Variants in GLYR1 observed in about 807,000 individuals in gnomAD.
The protein encoded by GLYR1 is cytokine-like nuclear factor N-PAC.
In GLYR1, 21 loss-of-function variants were observed where a neutral mutation model predicts 72.7. That is an observed-to-expected ratio of 0.29 (90% CI 0.20 to 0.42). The LOEUF (loss-of-function observed/expected upper bound fraction) is 0.42, where lower values mean the gene tolerates loss of function less well. GLYR1 is among the 10% of genes least tolerant of loss of function. GLYR1 has a pLI of 1.00. For missense variants in GLYR1, 594 were observed against 712.1 expected (o/e 0.83, Z 1.89); for synonymous variants, 392 against 270.2 (o/e 1.45, Z -4.42).
chr16:4,817,800 G>C lies in GLYR1; in HGVS notation c.807-103C>G. ...TCGCTCCCTTATACAGCTTGGGGTA[G>C]GGGAATTCAGACTGCCAGAAACAGC... On this transcript the variant is annotated intron_variant, in intron 9 of 15. Coordinates refer to ENST00000321919, the MANE Select transcript of GLYR1 (RefSeq NM_032569.4). 8.0e-6 allele frequency: 6 copies of C among 748,970 alleles called. No homozygotes were observed. The South Asian group carries it at 9.4e-5, about 12-fold the overall frequency. The allele number at this position is 748,970 out of a possible 1,614,324, so 46.4% of individuals were successfully genotyped here.
rs59357306 is a variant in GLYR1 at position 4,837,932 on chromosome 16, A to AAAATAAAT, written c.156-5028_156-5021dup. The stretch of plus-strand genomic sequence containing the variant: ...GCGACAGAGCGAGACTCCATCTCAA[A>AAAATAAAT]AAATAAATAAATAAATAAATAAATA... On this transcript the variant is annotated intron_variant, in intron 3 of 15. Coordinates refer to ENST00000321919, the MANE Select transcript of GLYR1 (RefSeq NM_032569.4). Among the ~76,000 whole-genome samples the AAAATAAAT allele has an allele frequency of 3.7e-3, 528 of 142,502 alleles. 1 individual carries two copies. Among genetic ancestry groups the AAAATAAAT allele is most frequent in the South Asian group, 0.01 (46 of 4,572 alleles). 93.5% of individuals were successfully genotyped at this position (142,502 alleles called of 152,430 possible).
intron 6 of GLYR1, 73 bp from the exon 7 acceptor site, chr16:4,823,004 G>T: frequency 8.2e-7 from 1 of 1,222,222 alleles, no homozygotes; most frequent in East Asian, 2.3e-5. Flanking sequence ...CTGGTAACTG[G>T]ACTCTCCTCT....
intron 2 of GLYR1, among the ~76,000 whole-genome samples, 160 bp downstream of exon 2, chr16:4,846,014 C>T (rs532284059): frequency 6.6e-6 from 1 of 152,298 alleles, no homozygotes; most frequent in African/African-American, 2.4e-5. Flanking sequence ...TACTGCATTG[C>T]CTTTTAAAAA....
intron 3 of GLYR1, among the ~76,000 whole-genome samples, chr16:4,836,464 C>T (rs935713172): frequency 1.3e-5 from 2 of 152,140 alleles, no homozygotes; most frequent in Non-Finnish European, 2.9e-5. Flanking sequence ...AAAAATCAAG[C>T]TTATTCAAGC....
intron 15 of GLYR1, among the ~76,000 whole-genome samples, chr16:4,809,997 T>C (rs899004195): frequency 1.3e-5 from 2 of 151,924 alleles, no homozygotes; most frequent in African/African-American, 2.4e-5. Flanking sequence ...TCTTTGATCA[T>C]AGAGCAGTAA....
At chr16:4,823,782 T>C (rs1375747616) in intron 6 of GLYR1, 39 bp downstream of exon 6, 3 of 1,312,104 alleles carry the variant, frequency 2.3e-6, no homozygotes, top group Non-Finnish European at 3.3e-6. Context: ...AACCTCGCCC[T>C]AAGCCACAGC....
intron 5 of GLYR1, among the ~76,000 whole-genome samples, chr16:4,831,049 C>T (rs549306456): frequency 2.0e-5 from 3 of 152,310 alleles, no homozygotes; most frequent in African/African-American, 7.2e-5. Flanking sequence ...ACTCTTTCTC[C>T]ACAAGCCACC....
chr16:4,819,881 G>GT (rs2083902486), intron 9 of GLYR1, among the ~76,000 whole-genome samples: 1 of 152,070 alleles, frequency 6.6e-6, no homozygotes, highest in Admixed American at 6.6e-5. Context: ...AAACAAGGAG[G>GT]TACCTTTTTG....
At chr16:4,815,353 G>A (rs952865700) in intron 10 of GLYR1, among the ~76,000 whole-genome samples, 2 of 151,382 alleles carry the variant, frequency 1.3e-5, no homozygotes, top group Non-Finnish European at 2.9e-5. Context: ...TTTTAATGTT[G>A]TTTATGATTC....
Position 4,821,412 on chromosome 16 carries a change from G to A in GLYR1, c.774C>T (p.Ala258=). ...STSIQAADST[A]VNGSITPTDK... Reference sequence around the variant, plus strand: ...CTGTGGGTGTGATGCTGCCATTCACGGCTGTGCTGTCAGCTGCCTGGATGG... The same window carrying A: ...CTGTGGGTGTGATGCTGCCATTCACAGCTGTGCTGTCAGCTGCCTGGATGG... The change falls in exon 9 of 16, where the codon GCC becomes GCT. Residue 258 remains alanine, a synonymous_variant. Coordinates refer to ENST00000321919, the MANE Select transcript of GLYR1 (RefSeq NM_032569.4). 1.9e-6 allele frequency: 3 copies of A among 1,613,588 alleles called. No homozygotes were observed. Among genetic ancestry groups the A allele is most frequent in the African/African-American group, 1.3e-5 (1 of 75,050 alleles).
At chr16:4,827,503 A>G (rs1333798172) in intron 5 of GLYR1, among the ~76,000 whole-genome samples, 2 of 152,206 alleles carry the variant, frequency 1.3e-5, no homozygotes, top group African/African-American at 4.8e-5. Context: ...TCGAAGGGTC[A>G]ATAGCAGCTA....
At chr16:4,816,265 T>C (rs1429380850) in intron 10 of GLYR1, among the ~76,000 whole-genome samples, 1 of 152,122 alleles carries the variant, frequency 6.6e-6, no homozygotes, top group Non-Finnish European at 1.5e-5. Context: ...GGCCTCAGCC[T>C]CCCAAGTAGC....
intron 1 of GLYR1, 147 bp downstream of exon 1, chr16:4,847,081 C>T (rs953295156): frequency 1.9e-5 from 14 of 746,824 alleles, no homozygotes; most frequent in African/African-American, 1.6e-4. Context: ...TTCCGCCTGG[C>T]GCCGCTCGCA....
intron 15 of GLYR1, among the ~76,000 whole-genome samples, chr16:4,806,805 CTTT>C (rs546117839): frequency 7.1e-6 from 1 of 140,962 alleles, no homozygotes. Context: ...ATTCTTTTTT[CTTT>C]TTTTTTTTTT....
At chr16:4,834,570 G>A (rs1323303543) in intron 3 of GLYR1, among the ~76,000 whole-genome samples, 1 of 151,970 alleles carries the variant, frequency 6.6e-6, no homozygotes, top group Non-Finnish European at 1.5e-5. Flanking sequence ...CCAGGTTCAA[G>A]CAATTCTGCC....
Position 4,808,598 on chromosome 16 carries a change from CTAAAA to C in GLYR1, c.1587+2567_1587+2571del, listed in dbSNP as rs370659586. ...GGGCAACAAGGGTGAAACTCGGTCT[CTAAAA>C]TAAAATAAAATAAAATAAAATAACA... On this transcript the variant is annotated intron_variant, in intron 15 of 15. Coordinates refer to ENST00000321919, the MANE Select transcript of GLYR1 (RefSeq NM_032569.4). 3.8e-3 allele frequency among the ~76,000 whole-genome samples: 572 copies of C among 151,530 alleles called. 1 individual carries two copies. Among genetic ancestry groups the C allele is most frequent in the African/African-American group, 4.4e-3 (179 of 41,134 alleles).
At chr16:4,834,590 C>T (rs573925764) in intron 3 of GLYR1, among the ~76,000 whole-genome samples, 5 of 152,226 alleles carry the variant, frequency 3.3e-5, no homozygotes, top group South Asian at 2.1e-4. Flanking sequence ...CTCTATCTCC[C>T]GAGTTGCTGG....
At chr16:4,826,887 C>A (rs1337286083) in intron 5 of GLYR1, among the ~76,000 whole-genome samples, 1 of 152,208 alleles carries the variant, frequency 6.6e-6, no homozygotes, top group Non-Finnish European at 1.5e-5. Flanking sequence ...CCAATGGAAA[C>A]AAGGAGGAGG....
At chr16:4,817,466 C>G (rs935526322) in intron 10 of GLYR1, 132 bp downstream of exon 10, 3 of 631,962 alleles carry the variant, frequency 4.7e-6, no homozygotes, top group Admixed American at 2.8e-5. Context: ...ATCTACATCT[C>G]TACCTGCCTG....
Sources: gnomAD v4.1 joint callset for allele counts (sites outside exome capture counted in the v4.1 genomes callset) on GRCh38, gnomAD v4.1.1 for gene constraint, MANE v1.5 for transcripts, NCBI Gene and HGNC (gene_info 2026-07-23, HGNC 2026-07-21) for gene names.